PDE2A: variants seen among roughly 807,000 people sequenced by gnomAD.
PDE2A encodes phosphodiesterase 2A.
PDE2A carries 53 observed loss-of-function variants against 133.6 expected under a neutral mutation model. That is an observed-to-expected ratio of 0.40 (90% CI 0.32 to 0.50). The LOEUF (loss-of-function observed/expected upper bound fraction) is 0.50, where lower values mean the gene tolerates loss of function less well. Ranked by LOEUF, PDE2A falls within the 20% of genes least tolerant of loss-of-function variation. The pLI is 0.73. For missense variants in PDE2A, 796 were observed against 1,232.4 expected (o/e 0.65, Z 5.30); for synonymous variants, 491 against 490.2 (o/e 1.00, Z -0.02).
At chr11:72,640,370 C>G (rs1234389237) in intron 2 of PDE2A, among the ~76,000 whole-genome samples, 1 of 152,036 alleles carries the variant, frequency 6.6e-6, no homozygotes, top group Non-Finnish European at 1.5e-5. Flanking sequence ...CCACTGCCTC[C>G]TCCCACCCCA....
At chr11:72,652,795 A>C in intron 1 of PDE2A, 1 of 446,712 alleles carries the variant, frequency 2.2e-6, no homozygotes, top group Non-Finnish European at 4.5e-6. Context: ...TGCCTCTTGC[A>C]GCAGGCTGAC....
chr11:72,638,450 A>G (rs1427674900), intron 2 of PDE2A, among the ~76,000 whole-genome samples: 1 of 152,192 alleles, frequency 6.6e-6, no homozygotes, highest in Non-Finnish European at 1.5e-5. Flanking sequence ...CAGAGCTCAC[A>G]TTCTGGTAGG....
intron 26 of PDE2A, 58 bp downstream of exon 26, chr11:72,579,476 C>T (rs966010658): frequency 3.2e-6 from 5 of 1,560,972 alleles, no homozygotes; most frequent in Non-Finnish European, 4.4e-6. Flanking sequence ...CTCCTTATCC[C>T]ACCTCCAGCC....
At chr11:72,585,621 G>T (rs762067015) in intron 14 of PDE2A, 28 bp from the exon 15 acceptor site, 3 of 1,610,792 alleles carry the variant, frequency 1.9e-6, no homozygotes, top group East Asian at 2.2e-5. Context: ...GAGATCATAG[G>T]GGGGTCGGGG....
intron 15 of PDE2A, 39 bp downstream of exon 15, chr11:72,585,515 T>C: frequency 1.9e-6 from 3 of 1,613,508 alleles, no homozygotes; most frequent in Non-Finnish European, 2.5e-6. Context: ...CCAGCCCCCA[T>C]GCCCACACAC....
chr11:72,607,539 C>T (rs947265452), intron 3 of PDE2A, among the ~76,000 whole-genome samples: 3 of 152,150 alleles, frequency 2.0e-5, no homozygotes, highest in African/African-American at 7.2e-5. Flanking sequence ...ACTCATTAGC[C>T]CTCCTCCTGG....
At chr11:72,641,108 C>T (rs979080612) in intron 2 of PDE2A, among the ~76,000 whole-genome samples, 1 of 152,172 alleles carries the variant, frequency 6.6e-6, no homozygotes, top group Non-Finnish European at 1.5e-5. Flanking sequence ...CACATCCCAC[C>T]GCAGGTTGAC....
intron 3 of PDE2A, 88 bp downstream of exon 3, chr11:72,608,574 C>T: frequency 1.4e-6 from 1 of 716,134 alleles, no homozygotes; most frequent in Non-Finnish European, 2.5e-6. Context: ...CTCTTCCTTC[C>T]TCCTTGGCCC....
intron 12 of PDE2A, 103 bp from the exon 13 acceptor site, chr11:72,589,017 G>T: frequency 7.5e-7 from 1 of 1,341,784 alleles, no homozygotes; most frequent in Non-Finnish European, 1.0e-6. Context: ...AGGGACTCAT[G>T]CAAGGCTGGA....
intron 1 of PDE2A, among the ~76,000 whole-genome samples, chr11:72,667,738 C>T (rs1387873397): frequency 1.3e-5 from 2 of 152,026 alleles, no homozygotes; most frequent in Non-Finnish European, 2.9e-5. Flanking sequence ...GAGCTGGGTG[C>T]AGTGGCTCAC....
intron 1 of PDE2A, among the ~76,000 whole-genome samples, chr11:72,656,282 G>T (rs1016692578): frequency 2.6e-5 from 4 of 152,196 alleles, no homozygotes; most frequent in Non-Finnish European, 4.4e-5. Flanking sequence ...GGACAATGGG[G>T]CTAAAGGTTT....
intron 4 of PDE2A, among the ~76,000 whole-genome samples, chr11:72,604,087 G>A (rs1041050815): frequency 2.6e-5 from 4 of 152,206 alleles, no homozygotes; most frequent in African/African-American, 9.6e-5. Flanking sequence ...CTGCCTTCTT[G>A]GGACATCCCC....
intron 1 of PDE2A, chr11:72,657,792 C>T: frequency 2.2e-6 from 1 of 454,380 alleles, no homozygotes; most frequent in South Asian, 1.6e-5. Context: ...CTTCCCTCAG[C>T]CTCCCAACAC....
intron 1 of PDE2A, chr11:72,642,530 C>T: frequency 2.6e-6 from 1 of 391,460 alleles, no homozygotes; most frequent in Non-Finnish European, 3.5e-6. Context: ...CCTATGTCCC[C>T]GCCACCGCGG....
rs1204819913 is a variant in PDE2A at position 72,630,136 on chromosome 11, G to A, written c.144+12118C>T. On this transcript the variant is annotated intron_variant, in intron 2 of 30. Transcript: ENST00000334456. ...CAGGGAAGGAAGGCATGGTCGGGGGGTGGGGATGGCACCCCTCGCAGGGCA... is the reference window on the plus strand; with the variant it reads ...CAGGGAAGGAAGGCATGGTCGGGGGATGGGGATGGCACCCCTCGCAGGGCA... Among the ~76,000 whole-genome samples the A allele has an allele frequency of 3.3e-5, 5 of 152,140 alleles. No individual in the cohort carries two copies. The South Asian group carries it at 1.0e-3, about 32-fold the overall frequency.
chr11:72,581,927 C>T lies in PDE2A; in HGVS notation c.1872G>A (p.Gln624=), dbSNP rs1855740985. The T allele has an allele frequency of 6.2e-7, 1 of 1,614,112 alleles. No individual in the cohort carries two copies. The highest frequency in any genetic ancestry group is 2.2e-5 in the East Asian group (1 of 44,872). Residue 624 remains glutamine, a synonymous_variant, in exon 22 of 31, where the codon CAG becomes CAA. Coordinates refer to ENST00000334456, the MANE Select transcript of PDE2A (RefSeq NM_002599.5). Reference sequence around the variant, plus strand: ...TGTAGTTGTTGATGAAATTCATGTCCTGCAGCATGCTCAGGATGGCCTGGA... The same window carrying T: ...TGTAGTTGTTGATGAAATTCATGTCTTGCAGCATGCTCAGGATGGCCTGGA... The part of the protein sequence containing the change: ...DTSMAILSML[Q]DMNFINNYKI...
At chr11:72,610,078 G>A (rs919942623) in intron 2 of PDE2A, among the ~76,000 whole-genome samples, 2 of 152,078 alleles carry the variant, frequency 1.3e-5, no homozygotes, top group Non-Finnish European at 2.9e-5. Context: ...CCTATGAAAC[G>A]AGGGAATTGG....
In PDE2A at chr11:72,590,304, C is replaced by T. The variant is rs1267923775; in HGVS notation, c.704-60G>A. ...CCTCCGCACCTCCGTGTCCGGGTCC[C>T]TCAGGCGCCGCTCAGCTCCGCGCCG... On this transcript the variant is annotated intron_variant, in intron 8 of 30. Coordinates refer to ENST00000334456, the MANE Select transcript of PDE2A (RefSeq NM_002599.5). This position sits in a 1 kb window ranked among gnomAD's most constrained non-coding sequence, Gnocchi z 4.8. 3 of 1,542,528 alleles carry T rather than the reference C, an allele frequency of 1.9e-6. No individual in the cohort carries two copies. The highest frequency in any genetic ancestry group is 1.2e-5 in the South Asian group (1 of 83,822).
intron 1 of PDE2A, among the ~76,000 whole-genome samples, chr11:72,656,765 C>T (rs1318812653): frequency 6.6e-6 from 1 of 152,012 alleles, no homozygotes; most frequent in African/African-American, 2.4e-5. Flanking sequence ...CCAGCAGGAC[C>T]CAAGCAGAGC....
Sources: allele counts gnomAD v4.1 joint callset (sites outside exome capture counted in the v4.1 genomes callset), GRCh38; gene constraint gnomAD v4.1.1; non-coding constraint Gnocchi (gnomAD v3.1); transcripts MANE v1.5; gene names NCBI Gene and HGNC (gene_info 2026-07-23, HGNC 2026-07-21).